ZBTB8OS: variants seen among roughly 807,000 people sequenced by gnomAD.
ZBTB8OS encodes the protein tRNA splicing ligase complex subunit 1, also known as tRNA-splicing ligase-activating factor archease.
In ZBTB8OS, 16 loss-of-function variants were observed where a neutral mutation model predicts 29.3. The ratio of observed to expected loss-of-function variants is 0.55; its 90% CI spans 0.37 to 0.83. The LOEUF (loss-of-function observed/expected upper bound fraction) is 0.83, where lower values mean the gene tolerates loss of function less well. Ranked by LOEUF, ZBTB8OS falls within the 40% of genes least tolerant of loss-of-function variation. The pLI is 0.00. For synonymous variants in ZBTB8OS, 70 were observed against 64.6 expected, an observed-to-expected ratio of 1.08 and a Z score of -0.40; for missense variants, 160 against 196.9, an observed-to-expected ratio of 0.81 and a Z score of 1.12.
At chr1:32,650,622 A>T, upstream of ZBTB8OS, 1 of 1,607,276 alleles carries the variant, frequency 6.2e-7, no homozygotes, top group Non-Finnish European at 8.5e-7. Context: ...CCCTTGGCGC[A>T]CACCCTTAAA....
Position 32,631,811 on chromosome 1 carries a change from G to T in ZBTB8OS, c.380+16C>A, listed in dbSNP as rs1645578646. The stretch of plus-strand genomic sequence containing the variant: ...TATAACTTTAACTCGGTACTTAAAA[G>T]ACTTTCAAAACTTACCCAATTGATC... On this transcript the variant is annotated intron_variant, in intron 5 of 6. Coordinates refer to ENST00000468695, the MANE Select transcript of ZBTB8OS (RefSeq NM_178547.5). 6.4e-7 allele frequency: 1 copy of T among 1,570,836 alleles called. No individual in the cohort carries two copies. Among genetic ancestry groups the T allele is most frequent in the South Asian group, 1.1e-5 (1 of 87,350 alleles).
chr1:32,650,888 T>G, upstream of ZBTB8OS: 2 of 474,962 alleles, frequency 4.2e-6, no homozygotes, highest in Non-Finnish European at 7.5e-6. Flanking sequence ...TTCATCTCAG[T>G]ACTCTGAAAG....
chr1:32,646,174 C>T (rs1041385492), intron 1 of ZBTB8OS, among the ~76,000 whole-genome samples: 4 of 151,954 alleles, frequency 2.6e-5, no homozygotes, highest in African/African-American at 7.2e-5. Flanking sequence ...GAAAAATTAG[C>T]TGGGTATGAT....
rs1182920459 is a variant in ZBTB8OS at position 32,621,465 on chromosome 1, T to C, written c.*397A>G. 2 of 158,740 alleles carry C rather than the reference T, an allele frequency of 1.3e-5. No individual in the cohort carries two copies. Among genetic ancestry groups the C allele is most frequent in the East Asian group, 1.9e-4 (1 of 5,404 alleles). 9.8% of individuals were successfully genotyped at this position (158,740 alleles called of 1,614,324 possible). A position where few individuals can be genotyped will look rare whatever the true frequency, so the allele number is the denominator to read the frequency against. On this transcript the variant is annotated 3_prime_UTR_variant, in exon 7 of 7. Transcript: ENST00000468695. ...AACTTGGAAGAAAAACAAAATTCTG[T>C]GTGTGGAAATATATTTTTTCAAGTT...
intron 5 of ZBTB8OS, among the ~76,000 whole-genome samples, chr1:32,629,749 C>CTTTTTTTTTTTTTTTT (rs869185319): frequency 1.8e-5 from 2 of 114,136 alleles, no homozygotes; most frequent in African/African-American, 3.2e-5. Flanking sequence ...ATGCTTGTTT[C>CTTTTTTTTTTTTTTTT]TTTTTTTTTT....
At chr1:32,627,449 T>C (rs536535381) in intron 6 of ZBTB8OS, 59 bp downstream of exon 6, 3 of 1,493,300 alleles carry the variant, frequency 2.0e-6, no homozygotes, top group South Asian at 2.3e-5. Context: ...TTGTCACATA[T>C]ATGAACTTTA....
intron 5 of ZBTB8OS, among the ~76,000 whole-genome samples, chr1:32,628,949 A>G (rs1464305880): frequency 1.3e-5 from 2 of 152,188 alleles, no homozygotes; most frequent in Non-Finnish European, 2.9e-5. Context: ...ACAAACAAAC[A>G]AAAAATTAAT....
At chr1:32,650,788 GA>G (rs1453160299), upstream of ZBTB8OS, 8 of 570,692 alleles carry the variant, frequency 1.4e-5, no homozygotes, top group Admixed American at 3.4e-5. Flanking sequence ...AGGGCACCTT[GA>G]ATGAAACCCG....
chr1:32,637,330 G>A (rs935445997), intron 1 of ZBTB8OS, among the ~76,000 whole-genome samples: 5 of 152,280 alleles, frequency 3.3e-5, no homozygotes, highest in African/African-American at 9.6e-5. Flanking sequence ...TGGGGAGGCC[G>A]AGGTGGGTGG....
intron 1 of ZBTB8OS, among the ~76,000 whole-genome samples, chr1:32,647,508 T>A (rs1298710498): frequency 6.6e-6 from 1 of 152,042 alleles, no homozygotes; most frequent in Admixed American, 6.5e-5. Flanking sequence ...CAGTACCAGT[T>A]GGTGGCCTGT....
Position 32,621,874 on chromosome 1 carries a change from G to A in ZBTB8OS, c.492C>T (p.Ile164=). 6.3e-7 allele frequency: 1 copy of A among 1,578,596 alleles called. No individual in the cohort carries two copies. Among genetic ancestry groups the A allele is most frequent in the Non-Finnish European group, 8.6e-7 (1 of 1,168,196 alleles). ...YNEENPEVFV[I]IDI is the part of the protein sequence containing the mutation. ...ATTTTTTGGTGTCTTAAATGTCAAT[G>A]ATCACAAAAACTTCCGGGTTCTCTT... The change falls in exon 7 of 7, where the codon ATC becomes ATT. Residue 164 remains isoleucine, a synonymous_variant. Transcript: ENST00000468695.
intron 6 of ZBTB8OS, among the ~76,000 whole-genome samples, chr1:32,625,609 C>T (rs150402526): frequency 3.5e-4 from 54 of 152,242 alleles, no homozygotes; most frequent in Non-Finnish European, 6.8e-4. Context: ...TGGTGGTGTG[C>T]ACCTGTAAGC....
chr1:32,648,263 T>C (rs1647005610), intron 1 of ZBTB8OS, among the ~76,000 whole-genome samples: 1 of 152,218 alleles, frequency 6.6e-6, no homozygotes, highest in Admixed American at 6.5e-5. Flanking sequence ...AGTGAAAGTA[T>C]AAATTGGTAC....
At chr1:32,632,531 C>T (rs1298765241) in intron 4 of ZBTB8OS, among the ~76,000 whole-genome samples, 1 of 152,168 alleles carries the variant, frequency 6.6e-6, no homozygotes, top group Non-Finnish European at 1.5e-5. Flanking sequence ...CCTCCCACCT[C>T]AGCCTCTGGA....
In ZBTB8OS at chr1:32,624,751, G is replaced by A. The variant is rs759658851; in HGVS notation, c.417+2757C>T. Among the ~76,000 whole-genome samples the A allele has an allele frequency of 1.0e-3, 155 of 151,266 alleles. 1 individual carries two copies. The highest frequency in any genetic ancestry group is 3.4e-3 in the African/African-American group (142 of 41,188). ...TCTACTAAAAATACAAAAATTAGCC[G>A]GCTGTGGTGGCATACACCTGTAATC... On this transcript the variant is annotated intron_variant, in intron 6 of 6. Transcript: ENST00000468695.
chr1:32,633,142 G>A (rs1645699685), intron 4 of ZBTB8OS: 1 of 152,100 alleles, frequency 6.6e-6, no homozygotes, highest in Non-Finnish European at 1.5e-5. Flanking sequence ...GTTTAACTTA[G>A]GCCAATGTGA....
At chr1:32,647,635 A>G (rs959082070) in intron 1 of ZBTB8OS, among the ~76,000 whole-genome samples, 1 of 152,124 alleles carries the variant, frequency 6.6e-6, no homozygotes, top group Non-Finnish European at 1.5e-5. Flanking sequence ...CAGGCACAGC[A>G]TTAGATTCTC....
chr1:32,638,194 G>C (rs1300393552), intron 1 of ZBTB8OS, among the ~76,000 whole-genome samples: 1 of 150,462 alleles, frequency 6.6e-6, no homozygotes, highest in Non-Finnish European at 1.5e-5. Flanking sequence ...CACTGCTATA[G>C]GGCAGTGGTT....
At chr1:32,636,984 C>T (rs1646016850) in intron 1 of ZBTB8OS, among the ~76,000 whole-genome samples, 2 of 152,066 alleles carry the variant, frequency 1.3e-5, no homozygotes, top group African/African-American at 4.8e-5. Context: ...CTTTGTCTGT[C>T]TTCCAGCCTC....
Sources: gnomAD v4.1 joint callset for allele counts (sites outside exome capture counted in the v4.1 genomes callset) on GRCh38, gnomAD v4.1.1 for gene constraint, MANE v1.5 for transcripts, NCBI Gene and HGNC (gene_info 2026-07-23, HGNC 2026-07-21) for gene names.